The following LURAP1L variants were observed in gnomAD, a reference collection of about 807,000 sequenced individuals.
LURAP1L encodes the protein leucine rich adaptor protein 1 like.
In LURAP1L, 12 loss-of-function variants were observed where a neutral mutation model predicts 13.8. That is an observed-to-expected ratio of 0.87 (90% CI 0.56 to 1.41). The LOEUF is 1.41. Ranked by LOEUF, LURAP1L falls within the 40% of genes most tolerant of loss-of-function variation. The probability of loss-of-function intolerance (pLI) is 0.00; values close to 1 mark genes in which losing one functional copy is unlikely to be tolerated. For missense variants in LURAP1L, 375 were observed against 292.9 expected (o/e 1.28, Z -2.04); for synonymous variants, 139 against 119.2 (o/e 1.17, Z -1.08).
chr9:12,821,021 GGACCCAC>G (rs1245051166), intron 1 of LURAP1L, among the ~76,000 whole-genome samples: 1 of 152,060 alleles, frequency 6.6e-6, no homozygotes, highest in African/African-American at 2.4e-5. Context: ...CCACGACTCA[GGACCCAC>G]GTATATACGC....
intron 1 of LURAP1L, among the ~76,000 whole-genome samples, chr9:12,785,171 G>C (rs1249551202): frequency 2.0e-5 from 3 of 152,126 alleles, no homozygotes; most frequent in Admixed American, 1.3e-4. Flanking sequence ...GGGAGCTAGG[G>C]CCTGGCATGG....
intron 1 of LURAP1L, among the ~76,000 whole-genome samples, chr9:12,806,723 AT>A (rs1417338209): frequency 6.6e-6 from 1 of 151,766 alleles, no homozygotes; most frequent in Non-Finnish European, 1.5e-5. Context: ...TTACTTTTTT[AT>A]TTTTTCTAGT....
intron 1 of LURAP1L, among the ~76,000 whole-genome samples, chr9:12,812,354 TA>T (rs1284690682): frequency 6.6e-6 from 1 of 152,164 alleles, no homozygotes; most frequent in African/African-American, 2.4e-5. Context: ...ATTTGATCCA[TA>T]GGTACATTCA....
chr9:12,813,863 G>A (rs929861333), intron 1 of LURAP1L, among the ~76,000 whole-genome samples: 6 of 152,138 alleles, frequency 3.9e-5, no homozygotes, highest in African/African-American at 1.4e-4. Context: ...ATTGAGGAAT[G>A]AATTATCAAT....
chr9:12,794,186 G>C (rs1290733590), intron 1 of LURAP1L, among the ~76,000 whole-genome samples: 1 of 152,036 alleles, frequency 6.6e-6, no homozygotes, highest in East Asian at 1.9e-4. Context: ...GTGCCATGCA[G>C]CAGCCAATAT....
chr9:12,815,832 T>C (rs930257320), intron 1 of LURAP1L, among the ~76,000 whole-genome samples: 1 of 152,200 alleles, frequency 6.6e-6, no homozygotes, highest in Non-Finnish European at 1.5e-5. Context: ...AAAGATGATA[T>C]GCACGTTTGT....
At chr9:12,790,236 T>G (rs1410215487) in intron 1 of LURAP1L, among the ~76,000 whole-genome samples, 1 of 152,194 alleles carries the variant, frequency 6.6e-6, no homozygotes, top group Non-Finnish European at 1.5e-5. Context: ...GCTCCCTCTC[T>G]TATCTTGGTT....
chr9:12,794,814 C>A (rs763777853), intron 1 of LURAP1L, among the ~76,000 whole-genome samples: 2 of 151,644 alleles, frequency 1.3e-5, no homozygotes, highest in Admixed American at 6.6e-5. Context: ...GTGTGAGAGG[C>A]ATCAAGTGAC....
At position 12,821,541 on chromosome 9, in the gene LURAP1L, G is replaced by C. The variant is rs771462901; in HGVS notation, c.468G>C (p.Gln156His). ...SGSLCSLLES[Q>H]STSLRGSYNS... ...GCCTGTGCAGTTTGTTGGAGAGTCA[G>C]AGCACCTCCTTACGTGGCAGCTACA... Residue 156 changes from glutamine (Q) to histidine (H), a missense_variant, in exon 2 of 2, where the codon CAG (glutamine) becomes CAC (histidine). Transcript: ENST00000319264. The C allele has an allele frequency of 1.2e-6, 2 of 1,614,104 alleles. No homozygotes were observed. Among genetic ancestry groups the C allele is most frequent in the South Asian group, 1.1e-5 (1 of 91,064 alleles).
chr9:12,793,879 A>G (rs1292402961), intron 1 of LURAP1L, among the ~76,000 whole-genome samples: 2 of 152,116 alleles, frequency 1.3e-5, no homozygotes, highest in African/African-American at 4.8e-5. Context: ...AATGAGCTCA[A>G]AATATGGTCA....
At chr9:12,805,445 T>C (rs1819643047) in intron 1 of LURAP1L, among the ~76,000 whole-genome samples, 1 of 152,150 alleles carries the variant, frequency 6.6e-6, no homozygotes, top group Non-Finnish European at 1.5e-5. Context: ...TTTTTCTCAG[T>C]TAAATACACA....
At chr9:12,782,777 A>G (rs1819290641) in intron 1 of LURAP1L, among the ~76,000 whole-genome samples, 1 of 152,114 alleles carries the variant, frequency 6.6e-6, no homozygotes, top group African/African-American at 2.4e-5. Context: ...TATTTTGATA[A>G]GGATTACATT....
chr9:12,821,331 G>C, intron 1 of LURAP1L, 55 bp from the exon 2 acceptor site: 1 of 1,546,802 alleles, frequency 6.5e-7, no homozygotes, highest in Non-Finnish European at 8.7e-7. Flanking sequence ...ATGAATTTGA[G>C]GCCTTTCGAG....
intron 1 of LURAP1L, among the ~76,000 whole-genome samples, chr9:12,788,496 G>A (rs1449001590): frequency 2.0e-5 from 3 of 151,874 alleles, no homozygotes; most frequent in Non-Finnish European, 4.4e-5. Flanking sequence ...ATAATAAATC[G>A]GTACAAAAAT....
chr9:12,805,072 AAAC>A (rs980789145), intron 1 of LURAP1L, among the ~76,000 whole-genome samples: 1 of 152,194 alleles, frequency 6.6e-6, no homozygotes, highest in Non-Finnish European at 1.5e-5. Flanking sequence ...CGTAATGACA[AAAC>A]AAGGAAAATT....
intron 1 of LURAP1L, among the ~76,000 whole-genome samples, chr9:12,807,094 AAT>A (rs71329889): frequency 0.15 from 17,793 of 115,938 alleles, 2,091 homozygotes; most frequent in Middle Eastern, 0.23. Flanking sequence ...TCTCTACTAA[AAT>A]ATATATATAT....
intron 1 of LURAP1L, among the ~76,000 whole-genome samples, chr9:12,779,613 C>G (rs1411771876): frequency 6.6e-6 from 1 of 152,090 alleles, no homozygotes; most frequent in Admixed American, 6.5e-5. Context: ...TCACCATAAT[C>G]TTATAGACAA....
chr9:12,781,133 G>A (rs924237842), intron 1 of LURAP1L, among the ~76,000 whole-genome samples: 3 of 151,988 alleles, frequency 2.0e-5, no homozygotes, highest in East Asian at 1.9e-4. Context: ...CACTACGCCC[G>A]ACTAATTTTG....
chr9:12,780,644 G>A (rs189248485), intron 1 of LURAP1L, among the ~76,000 whole-genome samples: 113 of 152,128 alleles, frequency 7.4e-4, no homozygotes, highest in African/African-American at 2.4e-3. Context: ...TATGCACTAC[G>A]AAATGTGCCC....
Sources: allele counts gnomAD v4.1 joint callset (sites outside exome capture counted in the v4.1 genomes callset), GRCh38; gene constraint gnomAD v4.1.1; transcripts MANE v1.5; gene names NCBI Gene and HGNC (gene_info 2026-07-23, HGNC 2026-07-21).